The following BAG2 variants were observed in gnomAD, a reference collection of about 807,000 sequenced individuals.
BAG2 encodes BAG family molecular chaperone regulator 2.
A neutral mutation model predicts 16.4 loss-of-function variants in BAG2; 8 were observed. The observed-to-expected ratio is 0.49, with a 90% confidence interval of 0.29 to 0.88. The LOEUF is 0.88. Ranked by LOEUF, BAG2 falls within the 40% of genes least tolerant of loss-of-function variation. The pLI is 0.09. For missense variants in BAG2, 218 were observed against 248.9 expected (o/e 0.88, Z 0.84); for synonymous variants, 82 against 89.2 (o/e 0.92, Z 0.46).
At chr6:57,183,326 C>A (rs1183062615) in intron 2 of BAG2, among the ~76,000 whole-genome samples, 2 of 152,192 alleles carry the variant, frequency 1.3e-5, no homozygotes, top group Non-Finnish European at 2.9e-5. Context: ...GTATTGACGA[C>A]AGAAGACAGC....
intron 1 of BAG2, 127 bp from the exon 2 acceptor site, chr6:57,181,905 A>G (rs1280960658): frequency 2.7e-6 from 2 of 735,650 alleles, no homozygotes; most frequent in East Asian, 5.1e-5. Context: ...ATTTTAAAGC[A>G]GAAATGAAGA....
intron 2 of BAG2, among the ~76,000 whole-genome samples, chr6:57,182,843 G>A (rs2127993402): frequency 6.6e-6 from 1 of 152,132 alleles, no homozygotes; most frequent in Admixed American, 6.5e-5. Context: ...TAAAGACAGG[G>A]TTTCACCATG....
Position 57,182,785 on chromosome 6 carries a change from G to A in BAG2, c.223+644G>A, listed in dbSNP as rs998419106. Reference sequence around the variant, plus strand: ...CCTGCCTCAGCCTCCCGAGTAGCTGGGATTACAGGCACGTGCCACCACGCC... The same window carrying A: ...CCTGCCTCAGCCTCCCGAGTAGCTGAGATTACAGGCACGTGCCACCACGCC... On this transcript the variant is annotated intron_variant, in intron 2 of 2. Coordinates refer to ENST00000370693, the MANE Select transcript of BAG2 (RefSeq NM_004282.4). 4.1e-4 allele frequency among the ~76,000 whole-genome samples: 63 copies of A among 152,184 alleles called. 1 individual carries two copies. The highest frequency in any genetic ancestry group is 3.9e-3 in the Admixed American group (60 of 15,288).
chr6:57,174,350 C>G (rs746938033), intron 1 of BAG2: 34 of 1,304,236 alleles, frequency 2.6e-5, no homozygotes, highest in Non-Finnish European at 3.3e-5. Context: ...CGCCTTCCTT[C>G]AAGCTGAGTC....
chr6:57,177,387 G>C (rs902968119), intron 1 of BAG2, among the ~76,000 whole-genome samples: 2 of 152,124 alleles, frequency 1.3e-5, no homozygotes, highest in Non-Finnish European at 2.9e-5. Context: ...CTGCACTCCG[G>C]CCTGGACGAC....
Position 57,184,081 on chromosome 6 carries a change from C to G in BAG2, c.527C>G (p.Thr176Ser). The G allele has an allele frequency of 6.2e-7, 1 of 1,611,922 alleles. No homozygotes were observed. Among genetic ancestry groups the G allele is most frequent in the Non-Finnish European group, 8.5e-7 (1 of 1,179,540 alleles). ...DQKKIKRRLE[T>S]LLRNIENSDK... ...AAGAAAATTAAGAGAAGATTAGAGA[C>G]TCTGCTTAGAAATATTGAAAACTCT... Residue 176 changes from threonine (T) to serine (S), a missense_variant, in exon 3 of 3, where the codon ACT becomes AGT. Physicochemically the swap from Thr to Ser is moderately conservative, Grantham distance 58. Transcript: ENST00000370693.
intron 1 of BAG2, among the ~76,000 whole-genome samples, chr6:57,179,922 T>C (rs1354609025): frequency 6.6e-6 from 1 of 151,540 alleles, no homozygotes; most frequent in African/African-American, 2.4e-5. Flanking sequence ...ACCCCCATGA[T>C]TGCCACTGTT....
chr6:57,184,513 C>T lies in BAG2; in HGVS notation c.*323C>T, dbSNP rs1450888995. ...GGGCAAAAAGCATGACTGCTTTTTC[C>T]TGTCTGGCATGGAATCACGCAGTCA... On this transcript the variant is annotated 3_prime_UTR_variant, in exon 3 of 3. Transcript: ENST00000370693. 5.5e-6 allele frequency: 1 copy of T among 180,332 alleles called. No individual in the cohort carries two copies. Among genetic ancestry groups the T allele is most frequent in the Non-Finnish European group, 1.2e-5 (1 of 86,498 alleles). 11.2% of individuals were successfully genotyped at this position (180,332 alleles called of 1,614,324 possible). A position where few individuals can be genotyped will look rare whatever the true frequency, so the allele number is the denominator to read the frequency against.
In BAG2 at chr6:57,187,467, C is replaced by T. The variant is rs527347107; in HGVS notation, c.*3277C>T. ...CTTAACAGTTAAAAACTGAGTAAGT[C>T]CTGTTCATTAGGTAGGTGCCATGTG... On this transcript the variant is annotated 3_prime_UTR_variant, in exon 3 of 3. Coordinates refer to ENST00000370693, the MANE Select transcript of BAG2 (RefSeq NM_004282.4). 1 of 152,172 alleles carries T rather than the reference C, an allele frequency of 6.6e-6. No homozygotes were observed. Among genetic ancestry groups the T allele is most frequent in the South Asian group, 2.1e-4 (1 of 4,818 alleles). The allele number at this position is 152,172 out of a possible 1,614,324, so 9.4% of individuals were successfully genotyped here.
intron 1 of BAG2, among the ~76,000 whole-genome samples, chr6:57,178,656 C>T (rs1420854079): frequency 6.6e-6 from 1 of 152,084 alleles, no homozygotes; most frequent in African/African-American, 2.4e-5. Flanking sequence ...TGACATTTTA[C>T]CCTTGCATGA....
intron 1 of BAG2, among the ~76,000 whole-genome samples, chr6:57,177,573 T>C (rs1764317664): frequency 6.6e-6 from 1 of 152,206 alleles, no homozygotes; most frequent in Non-Finnish European, 1.5e-5. Context: ...ACTATAAATA[T>C]ATGCCAGTGC....
In BAG2 at chr6:57,172,448, A is replaced by C; in HGVS notation, c.-250A>C. The C allele has an allele frequency of 6.6e-6, 2 of 304,914 alleles. No homozygotes were observed. The highest frequency in any genetic ancestry group is 5.8e-5 in the East Asian group (1 of 17,344). The allele number at this position is 304,914 out of a possible 1,614,324, so 18.9% of individuals were successfully genotyped here. A position where few individuals can be genotyped will look rare whatever the true frequency, so the allele number is the denominator to read the frequency against. On this transcript the variant is annotated 5_prime_UTR_variant, in exon 1 of 3. Coordinates refer to ENST00000370693, the MANE Select transcript of BAG2 (RefSeq NM_004282.4). Reference sequence around the variant, plus strand: ...ATCCTCGAGCCCGTGTGGCTCGCGAACCTCTAACTCCAGCCGCTGCAGCCC... The same window carrying C: ...ATCCTCGAGCCCGTGTGGCTCGCGACCCTCTAACTCCAGCCGCTGCAGCCC...
chr6:57,176,693 G>A (rs1477361201), intron 1 of BAG2, among the ~76,000 whole-genome samples: 1 of 152,200 alleles, frequency 6.6e-6, no homozygotes, highest in African/African-American at 2.4e-5. Context: ...GGGGGTGATA[G>A]GGATCATTCG....
At position 57,183,906 on chromosome 6, in the gene BAG2, G is replaced by T; in HGVS notation, c.352G>T (p.Asp118Tyr). ...CCTAAAGCATGCCACAAGGATTATT[G>T]ATGAGGTGGTCAATAAGTTTCTGGA... ...ESLKHATRII[D>Y]EVVNKFLDDL... Residue 118 changes from aspartate (D) to tyrosine (Y), a missense_variant, in exon 3 of 3, where the codon GAT becomes TAT. Coordinates refer to ENST00000370693, the MANE Select transcript of BAG2 (RefSeq NM_004282.4). The T allele has an allele frequency of 6.2e-7, 1 of 1,614,148 alleles. No individual in the cohort carries two copies.
At chr6:57,183,170 A>G (rs1198024432) in intron 2 of BAG2, among the ~76,000 whole-genome samples, 1 of 152,178 alleles carries the variant, frequency 6.6e-6, no homozygotes, top group Non-Finnish European at 1.5e-5. Context: ...ATCCTGCCCA[A>G]AGATCAATGA....
At position 57,172,671 on chromosome 6, in the gene BAG2, C is replaced by CT. The variant is rs1169975528; in HGVS notation, c.-25dup. The CT allele has an allele frequency of 2.0e-6, 3 of 1,498,262 alleles. No individual in the cohort carries two copies. In the African/African-American group the frequency reaches 4.4e-5, roughly 22 times the overall value. The allele number at this position is 1,498,262 out of a possible 1,614,324, so 92.8% of individuals were successfully genotyped here. ...CTGCCGCCGGAGGGGCCGGTGACCTCTTGGCTACCCCGCGTCGGAGGCTTA... is the reference window on the plus strand; with the variant it reads ...CTGCCGCCGGAGGGGCCGGTGACCTCTTTGGCTACCCCGCGTCGGAGGCTTA... On this transcript the variant is annotated 5_prime_UTR_variant, in exon 1 of 3. Transcript: ENST00000370693.
At position 57,172,744 on chromosome 6, in the gene BAG2, G is replaced by A. The variant is rs1039041175; in HGVS notation, c.47G>A (p.Cys16Tyr). ...GCTAAAGCCAACGAGGGGCGCTTCT[G>A]CCGCTCCTCCTCCATGGCTGACCGC... ...INAKANEGRFCRSSSMADRSS... is the reference protein window; with the variant it reads ...INAKANEGRFYRSSSMADRSS... The change falls in exon 1 of 3, where the codon TGC becomes TAC. Residue 16 changes from cysteine to tyrosine, a missense_variant. This residue lies in a region of BAG2 where 75 missense variants were observed against 63.1 expected (regional missense o/e 1.19). Transcript: ENST00000370693. The A allele has an allele frequency of 6.3e-7, 1 of 1,582,608 alleles. No individual in the cohort carries two copies.
chr6:57,182,530 C>CA (rs758049333), intron 2 of BAG2, among the ~76,000 whole-genome samples: 3,571 of 41,172 alleles, frequency 0.087, 151 homozygotes, highest in African/African-American at 0.19. Context: ...AAGTAGAGAC[C>CA]AAAAAAAAAA....
chr6:57,172,631 G>A lies in BAG2; in HGVS notation c.-67G>A, dbSNP rs990540369. On this transcript the variant is annotated 5_prime_UTR_variant, in exon 1 of 3. Transcript: ENST00000370693. ...GGTGACGGCGACGCCTGCAGCCCAAGGAGCGCTCCACTCGCTGCCGCCGGA... is the reference window on the plus strand; with the variant it reads ...GGTGACGGCGACGCCTGCAGCCCAAAGAGCGCTCCACTCGCTGCCGCCGGA... The A allele has an allele frequency of 4.3e-5, 57 of 1,332,710 alleles. No homozygotes were observed. The highest frequency in any genetic ancestry group is 5.3e-5 in the Non-Finnish European group (53 of 1,006,300). The allele number at this position is 1,332,710 out of a possible 1,614,324, so 82.6% of individuals were successfully genotyped here.
Sources: gnomAD v4.1 joint callset for allele counts (sites outside exome capture counted in the v4.1 genomes callset) on GRCh38, gnomAD v4.1.1 for gene constraint, gnomAD v4.1.1 regional missense constraint, MANE v1.5 for transcripts, NCBI Gene and HGNC (gene_info 2026-07-23, HGNC 2026-07-21) for gene names.